FNDC3A: variants seen among roughly 807,000 people sequenced by gnomAD.
The protein encoded by FNDC3A is fibronectin type-III domain-containing protein 3A.
Under a neutral mutation model 148.9 loss-of-function variants are expected in FNDC3A, and 32 were observed. The ratio of observed to expected loss-of-function variants is 0.21; its 90% CI spans 0.16 to 0.29. The LOEUF is 0.29. Ranked by LOEUF, FNDC3A falls within the 10% of genes least tolerant of loss-of-function variation. The pLI, the probability that FNDC3A is intolerant of heterozygous loss-of-function variation, is 1.00. For missense variants in FNDC3A, 1,191 were observed against 1,452.8 expected (o/e 0.82, Z 2.93); for synonymous variants, 472 against 473.6 (o/e 1.00, Z 0.04).
At chr13:49,047,374 A>T (rs932385181) in intron 2 of FNDC3A, among the ~76,000 whole-genome samples, 2 of 152,076 alleles carry the variant, frequency 1.3e-5, no homozygotes, top group Non-Finnish European at 2.9e-5. Flanking sequence ...ATTTACTTTT[A>T]GTTCTTTAGG....
intron 2 of FNDC3A, among the ~76,000 whole-genome samples, chr13:49,050,872 G>A (rs566197724): frequency 3.3e-4 from 50 of 152,242 alleles, no homozygotes; most frequent in South Asian, 1.9e-3. Context: ...TCCTTTTGGA[G>A]TAGTCCTTTT....
chr13:48,995,301 G>C (rs1468090327), intron 1 of FNDC3A, among the ~76,000 whole-genome samples: 3 of 150,448 alleles, frequency 2.0e-5, no homozygotes, highest in Admixed American at 6.6e-5. Context: ...TTTCTTGATT[G>C]AGGACTGCCT....
intron 2 of FNDC3A, among the ~76,000 whole-genome samples, chr13:49,062,154 T>C (rs1414699484): frequency 6.6e-6 from 1 of 152,110 alleles, no homozygotes; most frequent in Non-Finnish European, 1.5e-5. Context: ...GATACTACCT[T>C]AACAAAATGA....
chr13:49,049,563 T>G (rs1875673821), intron 2 of FNDC3A, among the ~76,000 whole-genome samples: 1 of 152,194 alleles, frequency 6.6e-6, no homozygotes. Flanking sequence ...CAGGAATTTA[T>G]CCATCTCCTC....
intron 1 of FNDC3A, chr13:48,987,829 G>T (rs1951832485): frequency 6.6e-6 from 1 of 152,130 alleles, no homozygotes; most frequent in Non-Finnish European, 1.5e-5. Context: ...TGAAACTATG[G>T]CTATAATCAC....
intron 8 of FNDC3A, among the ~76,000 whole-genome samples, chr13:49,160,716 TG>T (rs1884047143): frequency 6.6e-6 from 1 of 152,024 alleles, no homozygotes; most frequent in African/African-American, 2.4e-5. Flanking sequence ...GATGTTACGG[TG>T]TCGATTTTAG....
intron 8 of FNDC3A, among the ~76,000 whole-genome samples, chr13:49,159,011 T>C (rs1883910642): frequency 6.6e-6 from 1 of 152,244 alleles, no homozygotes; most frequent in Non-Finnish European, 1.5e-5. Flanking sequence ...CATGCTGTTT[T>C]AGTTACTGTA....
intron 1 of FNDC3A, among the ~76,000 whole-genome samples, chr13:49,005,745 C>T (rs1952208654): frequency 6.6e-6 from 1 of 151,776 alleles, no homozygotes; most frequent in Non-Finnish European, 1.5e-5. Flanking sequence ...ATTACCTTGT[C>T]TGCCCATAGA....
chr13:49,089,606 G>T (rs1315184649), intron 3 of FNDC3A, among the ~76,000 whole-genome samples: 2 of 152,200 alleles, frequency 1.3e-5, no homozygotes, highest in African/African-American at 4.8e-5. Flanking sequence ...GGTGGGCTCT[G>T]GGAACTGACT....
Position 49,174,531 on chromosome 13 carries a change from C to T in FNDC3A, c.1327C>T (p.Leu443=), listed in dbSNP as rs201518444. ...ACCAGCAATGGGCTGTAAATTCAGA[C>T]TATCGGCCAGAAATGACTATGGTAC... ...LSPAMGCKFR[L]SARNDYGTSG... Residue 443 remains leucine (L), a synonymous_variant, in exon 12 of 26, where the codon CTA becomes TTA. Coordinates refer to ENST00000492622, the MANE Select transcript of FNDC3A (RefSeq NM_001079673.2). 2.5e-6 allele frequency: 4 copies of T among 1,612,630 alleles called. No individual in the cohort carries two copies. The highest frequency in any genetic ancestry group is 1.3e-5 in the African/African-American group (1 of 74,992).
intron 2 of FNDC3A, among the ~76,000 whole-genome samples, chr13:49,056,454 A>G (rs1439979086): frequency 1.3e-5 from 2 of 152,154 alleles, no homozygotes; most frequent in African/African-American, 2.4e-5. Flanking sequence ...TTATTCATCT[A>G]GAGACTTGTG....
At position 49,175,306 on chromosome 13, in the gene FNDC3A, AC is replaced by A. The variant is rs1269077779; in HGVS notation, c.1356-60del. 2.4e-6 allele frequency: 3 copies of A among 1,226,204 alleles called. No homozygotes were observed. The African/African-American group carries it at 4.6e-5, about 19-fold the overall frequency. The allele number at this position is 1,226,204 out of a possible 1,614,324, so 76.0% of individuals were successfully genotyped here. ...TCCAAAAAAATTACATCTGTCACAA[AC>A]TTGTTCTTTCACTGTAAAAATAACT... On this transcript the variant is annotated intron_variant, in intron 12 of 25. Coordinates refer to ENST00000492622, the MANE Select transcript of FNDC3A (RefSeq NM_001079673.2).
chr13:49,039,564 C>CT (rs1204906320), intron 2 of FNDC3A, among the ~76,000 whole-genome samples: 1 of 152,062 alleles, frequency 6.6e-6, no homozygotes, highest in Admixed American at 6.5e-5. Flanking sequence ...GCCATCGTAT[C>CT]TTTTTTATCG....
chr13:48,993,248 A>AG (rs1451372812), intron 1 of FNDC3A, among the ~76,000 whole-genome samples: 1 of 152,178 alleles, frequency 6.6e-6, no homozygotes, highest in Non-Finnish European at 1.5e-5. Flanking sequence ...AAACTTACTT[A>AG]GTCTTAGAGT....
At chr13:49,170,208 C>T (rs767234120) in intron 10 of FNDC3A, among the ~76,000 whole-genome samples, 6 of 152,100 alleles carry the variant, frequency 3.9e-5, no homozygotes, top group Non-Finnish European at 8.8e-5. Flanking sequence ...ATCATTGTCA[C>T]TGTTATTGGA....
At chr13:49,083,500 T>C (rs7333097) in intron 3 of FNDC3A, among the ~76,000 whole-genome samples, 1 of 151,594 alleles carries the variant, frequency 6.6e-6, no homozygotes, top group African/African-American at 2.4e-5. Flanking sequence ...TCTTTTAACA[T>C]GTTTAAAAGA....
chr13:49,014,148 T>G (rs1221859912), intron 2 of FNDC3A, among the ~76,000 whole-genome samples: 1 of 136,768 alleles, frequency 7.3e-6, no homozygotes, highest in Non-Finnish European at 1.6e-5. Flanking sequence ...GTATTTCTAC[T>G]TCTAGATCCC....
At chr13:49,078,120 G>A (rs1443731344) in intron 3 of FNDC3A, among the ~76,000 whole-genome samples, 1 of 152,118 alleles carries the variant, frequency 6.6e-6, no homozygotes, top group African/African-American at 2.4e-5. Flanking sequence ...CATTTGCAGA[G>A]GAAGATACTC....
intron 6 of FNDC3A, among the ~76,000 whole-genome samples, chr13:49,136,871 T>A (rs532236245): frequency 3.9e-5 from 6 of 152,298 alleles, no homozygotes; most frequent in African/African-American, 1.4e-4. Context: ...GCTATGCTGC[T>A]GGTTTTTAAT....
Sources: gnomAD v4.1 joint callset for allele counts (sites outside exome capture counted in the v4.1 genomes callset) on GRCh38, gnomAD v4.1.1 for gene constraint, MANE v1.5 for transcripts, NCBI Gene and HGNC (gene_info 2026-07-23, HGNC 2026-07-21) for gene names.